TAFA1: variants seen among roughly 807,000 people sequenced by gnomAD.
The protein encoded by TAFA1 is chemokine-like protein TAFA-1.
In TAFA1, 4 loss-of-function variants were observed where a neutral mutation model predicts 18.5. The ratio of observed to expected loss-of-function variants is 0.22; its 90% CI spans 0.11 to 0.49. The LOEUF (loss-of-function observed/expected upper bound fraction) is 0.49, where lower values mean the gene tolerates loss of function less well. TAFA1 is among the 20% of genes least tolerant of loss of function. The probability of loss-of-function intolerance (pLI) is 0.98; values close to 1 mark genes in which losing one functional copy is unlikely to be tolerated. For missense variants in TAFA1, 147 were observed against 169.0 expected (o/e 0.87, Z 0.72); for synonymous variants, 56 against 55.2 (o/e 1.01, Z -0.06).
At chr3:68,369,896 A>G (rs2069645939) in intron 2 of TAFA1, among the ~76,000 whole-genome samples, 2 of 152,174 alleles carry the variant, frequency 1.3e-5, no homozygotes, top group African/African-American at 4.8e-5. Flanking sequence ...CAGACAATAG[A>G]AAAGAAAACA....
At chr3:68,418,767 G>C (rs930018072) in intron 3 of TAFA1, among the ~76,000 whole-genome samples, 1 of 152,176 alleles carries the variant, frequency 6.6e-6, no homozygotes, top group Non-Finnish European at 1.5e-5. Context: ...TGAGTCCTCA[G>C]TATGGATCAA....
At chr3:68,272,202 C>T (rs534406982) in intron 2 of TAFA1, among the ~76,000 whole-genome samples, 66 of 152,268 alleles carry the variant, frequency 4.3e-4, no homozygotes, top group African/African-American at 1.3e-3. Context: ...TGGAAAACCA[C>T]GTTAGCTTCT....
intron 2 of TAFA1, among the ~76,000 whole-genome samples, chr3:68,374,881 G>A (rs981803260): frequency 6.6e-5 from 10 of 151,588 alleles, no homozygotes; most frequent in Admixed American, 2.0e-4. Context: ...TTTATGGATC[G>A]CATTACTTTC....
intron 2 of TAFA1, among the ~76,000 whole-genome samples, chr3:68,172,586 A>G (rs978028878): frequency 6.6e-6 from 1 of 152,200 alleles, no homozygotes; most frequent in African/African-American, 2.4e-5. Context: ...ACAGCAGCAT[A>G]ATTCATAATA....
intron 3 of TAFA1, among the ~76,000 whole-genome samples, chr3:68,496,015 A>G (rs2072542578): frequency 6.9e-6 from 1 of 144,232 alleles, no homozygotes; most frequent in African/African-American, 2.6e-5. Flanking sequence ...AAAAAAAAAA[A>G]AAAAAAAAAA....
intron 2 of TAFA1, among the ~76,000 whole-genome samples, chr3:68,201,868 A>G (rs1014378393): frequency 1.3e-5 from 2 of 151,738 alleles, no homozygotes; most frequent in Non-Finnish European, 2.9e-5. Flanking sequence ...GTGCTGTGCC[A>G]TAACACGATG....
At chr3:68,010,254 T>G (rs1704444808) in intron 2 of TAFA1, among the ~76,000 whole-genome samples, 1 of 152,216 alleles carries the variant, frequency 6.6e-6, no homozygotes, top group South Asian at 2.1e-4. Flanking sequence ...TTACGGGCAC[T>G]TTGGCTGTTC....
intron 2 of TAFA1, among the ~76,000 whole-genome samples, chr3:68,302,567 C>A (rs956661423): frequency 1.3e-5 from 2 of 150,482 alleles, no homozygotes; most frequent in Non-Finnish European, 3.0e-5. Flanking sequence ...AATTTTGAAT[C>A]TTTGTTCTCT....
In TAFA1 at chr3:68,465,702, A is replaced by G. The variant is rs73092833; in HGVS notation, c.259+48282A>G. On this transcript the variant is annotated intron_variant, in intron 3 of 4. Transcript: ENST00000478136. Reference sequence around the variant, plus strand: ...CCACTTCGTCTCTAGCCACAGGTCCATATTCTAACCATCAGGAAAGAGAAA... The same window carrying G: ...CCACTTCGTCTCTAGCCACAGGTCCGTATTCTAACCATCAGGAAAGAGAAA... Among the ~76,000 whole-genome samples, 733 of 152,324 alleles carry G rather than the reference A, an allele frequency of 4.8e-3. 3 individuals carry two copies. The highest frequency in any genetic ancestry group is 8.5e-3 in the Non-Finnish European group (575 of 68,034).
rs1219591253 is a variant in TAFA1 at position 68,237,885 on chromosome 3, C to A, written c.119-179395C>A. On this transcript the variant is annotated intron_variant, in intron 2 of 4. Coordinates refer to ENST00000478136, the MANE Select transcript of TAFA1 (RefSeq NM_213609.4). ...CTGACAAGAATTAAAGAGAACTTTA[C>A]AAAATATCATAATAGCAGATATAAA... is the stretch of plus-strand genomic sequence containing the variant. 2.6e-5 allele frequency among the ~76,000 whole-genome samples: 4 copies of A among 151,870 alleles called. No homozygotes were observed. In the South Asian group the frequency reaches 8.3e-4, roughly 31 times the overall value.
At chr3:68,125,017 C>A (rs1041019046) in intron 2 of TAFA1, among the ~76,000 whole-genome samples, 2 of 152,146 alleles carry the variant, frequency 1.3e-5, no homozygotes, top group African/African-American at 4.8e-5. Context: ...CTTGTAATAC[C>A]TGAATGTGCT....
Position 68,203,113 on chromosome 3 carries a change from T to G in TAFA1, c.118+196369T>G, listed in dbSNP as rs567967553. ...TTTTTTCTTTCAACCCTTCAAATAT[T>G]TCATTTCTCTCTCTTTTTTGCTTGT... On this transcript the variant is annotated intron_variant, in intron 2 of 4. Transcript: ENST00000478136. Among the ~76,000 whole-genome samples the G allele has an allele frequency of 1.1e-4, 16 of 151,914 alleles. No individual in the cohort carries two copies. The South Asian group carries it at 1.5e-3, about 14-fold the overall frequency.
intron 2 of TAFA1, among the ~76,000 whole-genome samples, chr3:68,363,723 TA>T (rs2069516481): frequency 6.6e-6 from 1 of 152,164 alleles, no homozygotes; most frequent in South Asian, 2.1e-4. Flanking sequence ...TTTAAAGAAG[TA>T]AATCATTATG....
intron 2 of TAFA1, among the ~76,000 whole-genome samples, chr3:68,370,472 GTATA>G (rs749877780): frequency 0.048 from 1,586 of 32,960 alleles, 44 homozygotes; most frequent in Non-Finnish European, 0.058. Flanking sequence ...GTGTGTGTGT[GTATA>G]TATATATATA....
chr3:68,382,516 A>G (rs1266505346), intron 2 of TAFA1, among the ~76,000 whole-genome samples: 1 of 152,062 alleles, frequency 6.6e-6, no homozygotes, highest in Non-Finnish European at 1.5e-5. Flanking sequence ...TTTGTCAAAG[A>G]TGAGATTATT....
intron 2 of TAFA1, among the ~76,000 whole-genome samples, chr3:68,411,331 A>G (rs943856679): frequency 5.3e-5 from 8 of 152,320 alleles, no homozygotes; most frequent in Admixed American, 3.3e-4. Context: ...ATACTCTGCT[A>G]TACCAAAGGC....
chr3:68,258,788 T>C (rs1358358405), intron 2 of TAFA1, among the ~76,000 whole-genome samples: 1 of 152,328 alleles, frequency 6.6e-6, no homozygotes, highest in Admixed American at 6.5e-5. Context: ...TTCACTTTCT[T>C]CCTTGGGATG....
intron 2 of TAFA1, among the ~76,000 whole-genome samples, chr3:68,301,946 G>A (rs185778764): frequency 1.3e-3 from 203 of 152,196 alleles, no homozygotes; most frequent in Non-Finnish European, 2.2e-3. Flanking sequence ...ATTTGTATTC[G>A]TAGTTCATTG....
intron 2 of TAFA1, among the ~76,000 whole-genome samples, chr3:68,035,915 A>G (rs1454239452): frequency 6.6e-6 from 1 of 152,240 alleles, no homozygotes; most frequent in African/African-American, 2.4e-5. Context: ...GAAAGCAGCC[A>G]GACAAAAAAC....
Sources: allele counts gnomAD v4.1 joint callset (sites outside exome capture counted in the v4.1 genomes callset), GRCh38; gene constraint gnomAD v4.1.1; transcripts MANE v1.5; gene names NCBI Gene and HGNC (gene_info 2026-07-23, HGNC 2026-07-21).